The following C3orf70 variants were observed in gnomAD, a reference collection of about 807,000 sequenced individuals.
The protein encoded by C3orf70 is chromosome 3 open reading frame 70, also known as UPF0524 protein C3orf70.
In C3orf70, 15 loss-of-function variants were observed where a neutral mutation model predicts 20.7. That is an observed-to-expected ratio of 0.72 (90% confidence interval 0.48 to 1.11). C3orf70 has a LOEUF of 1.11. Among genes scored for constraint, C3orf70 ranks in the 50% most tolerant of loss-of-function variants. The pLI is 0.00. For synonymous variants in C3orf70, 161 were observed against 125.7 expected, an observed-to-expected ratio of 1.28 and a Z score of -1.88; for missense variants, 332 against 317.6, an observed-to-expected ratio of 1.05 and a Z score of -0.34.
intron 1 of C3orf70, among the ~76,000 whole-genome samples, chr3:185,147,866 C>T (rs1716908822): frequency 6.6e-6 from 1 of 152,208 alleles, no homozygotes; most frequent in Non-Finnish European, 1.5e-5. Flanking sequence ...ACCCTCTTCT[C>T]CATAATAATG....
At chr3:185,094,912 A>G (rs1305017377) in intron 1 of C3orf70, among the ~76,000 whole-genome samples, 3 of 152,214 alleles carry the variant, frequency 2.0e-5, no homozygotes, top group Non-Finnish European at 4.4e-5. Context: ...ACGGCTGCTG[A>G]CAGGGCACAC....
intron 1 of C3orf70, among the ~76,000 whole-genome samples, chr3:185,085,572 T>C (rs1715442273): frequency 6.6e-6 from 1 of 152,172 alleles, no homozygotes; most frequent in African/African-American, 2.4e-5. Flanking sequence ...CCCCGCAGTC[T>C]GATAAAAACG....
chr3:185,098,806 C>CCA (rs1458137523), intron 1 of C3orf70, among the ~76,000 whole-genome samples: 1 of 152,070 alleles, frequency 6.6e-6, no homozygotes, highest in African/African-American at 2.4e-5. Flanking sequence ...TGGGTGGGCC[C>CCA]CATCCAAACA....
At chr3:185,138,259 A>AAAC (rs907917846) in intron 1 of C3orf70, among the ~76,000 whole-genome samples, 2 of 152,112 alleles carry the variant, frequency 1.3e-5, no homozygotes, top group Non-Finnish European at 2.9e-5. Context: ...TTAAACTCAA[A>AAAC]AACAACAACA....
rs1715350442 is a variant in C3orf70 at position 185,082,065 on chromosome 3, C to G, written c.*942G>C. ...CCTAAATGTGATACCTATATAACTTCCTAAGAGTTTTTCCCAGACTTGAAG... is the reference window on the plus strand; with the variant it reads ...CCTAAATGTGATACCTATATAACTTGCTAAGAGTTTTTCCCAGACTTGAAG... On this transcript the variant is annotated 3_prime_UTR_variant, in exon 2 of 2. Coordinates refer to ENST00000335012, the MANE Select transcript of C3orf70 (RefSeq NM_001025266.3). 1 of 152,078 alleles carries G rather than the reference C, an allele frequency of 6.6e-6. No individual in the cohort carries two copies. Among genetic ancestry groups the G allele is most frequent in the South Asian group, 2.1e-4 (1 of 4,816 alleles). The allele number at this position is 152,078 out of a possible 1,614,324, so 9.4% of individuals were successfully genotyped here. A position where few individuals can be genotyped will look rare whatever the true frequency, so the allele number is the denominator to read the frequency against.
rs546143761 is a variant in C3orf70 at position 185,113,211 on chromosome 3, G to A, written c.197-29648C>T. On this transcript the variant is annotated intron_variant, in intron 1 of 1. Coordinates refer to ENST00000335012, the MANE Select transcript of C3orf70 (RefSeq NM_001025266.3). The stretch of plus-strand genomic sequence containing the variant: ...TGTAATCTCAGCACTTTGGGAGGCT[G>A]AGGCGGGCAGATCATGAGGTCAGGA... 2.3e-4 allele frequency among the ~76,000 whole-genome samples: 35 copies of A among 150,048 alleles called. 1 individual carries two copies. Among genetic ancestry groups the A allele is most frequent in the African/African-American group, 8.2e-4 (33 of 40,402 alleles).
At chr3:185,115,236 A>G (rs1280956407) in intron 1 of C3orf70, among the ~76,000 whole-genome samples, 1 of 151,206 alleles carries the variant, frequency 6.6e-6, no homozygotes, top group Non-Finnish European at 1.5e-5. Flanking sequence ...GGTCCCTTTT[A>G]TAATCTAAAA....
At position 185,079,104 on chromosome 3, in the gene C3orf70, AC is replaced by A. The variant is rs1715268204; in HGVS notation, c.*3902del. 6.6e-6 allele frequency: 1 copy of A among 151,882 alleles called. No individual in the cohort carries two copies. Among genetic ancestry groups the A allele is most frequent in the South Asian group, 2.1e-4 (1 of 4,804 alleles). 9.4% of individuals were successfully genotyped at this position (151,882 alleles called of 1,614,324 possible). On this transcript the variant is annotated 3_prime_UTR_variant, in exon 2 of 2. Coordinates refer to ENST00000335012, the MANE Select transcript of C3orf70 (RefSeq NM_001025266.3). The stretch of plus-strand genomic sequence containing the variant: ...AGACCATCCTGGCTAACACGGTGAA[AC>A]CCCGTTTCTACTAAAAATACAAAAA...
chr3:185,119,936 C>T (rs1812559), intron 1 of C3orf70, among the ~76,000 whole-genome samples: 21,428 of 147,548 alleles, frequency 0.15, 1,692 homozygotes, highest in East Asian at 0.23. Context: ...GCAGGAGGAT[C>T]GCTTGAATGT....
chr3:185,129,502 T>C (rs961996932), intron 1 of C3orf70, among the ~76,000 whole-genome samples: 1 of 152,116 alleles, frequency 6.6e-6, no homozygotes, highest in Admixed American at 6.5e-5. Context: ...GTTGATTCTA[T>C]GTCTTTGCTA....
chr3:185,102,383 C>G (rs1375419474), intron 1 of C3orf70, among the ~76,000 whole-genome samples: 2 of 152,092 alleles, frequency 1.3e-5, no homozygotes, highest in Non-Finnish European at 2.9e-5. Flanking sequence ...AGGAGAACTA[C>G]AAAATACTGC....
rs2108585603 is a variant in C3orf70 at position 185,083,339 on chromosome 3, C to T, written c.421G>A (p.Gly141Arg). 2 of 1,614,136 alleles carry T rather than the reference C, an allele frequency of 1.2e-6. No homozygotes were observed. Among genetic ancestry groups the T allele is most frequent in the East Asian group, 4.5e-5 (2 of 44,886 alleles). ...IDNYQVKCIN[G>R]KMCYVQKQPA... ...TGCTTCTGCACATAACACATCTTCC[C>T]ATTAATACATTTAACCTGATAGTTG... is the stretch of plus-strand genomic sequence containing the variant. The change falls in exon 2 of 2, where the codon GGG (glycine) becomes AGG (arginine). Residue 141 changes from glycine to arginine, a missense_variant. Physicochemically the swap from Gly to Arg is moderately radical, Grantham distance 125 (BLOSUM62 -2). Coordinates refer to ENST00000335012, the MANE Select transcript of C3orf70 (RefSeq NM_001025266.3).
chr3:185,128,430 AG>A (rs1255938270), intron 1 of C3orf70, among the ~76,000 whole-genome samples: 2 of 151,648 alleles, frequency 1.3e-5, no homozygotes, highest in African/African-American at 4.8e-5. Flanking sequence ...TGGGAGGCTG[AG>A]GCAGGAGAAT....
rs577186892 is a variant in C3orf70, at chr3:185,150,503, A to T, written c.196+2125T>A. Among the ~76,000 whole-genome samples the T allele has an allele frequency of 2.7e-5, 4 of 148,632 alleles. No individual in the cohort carries two copies. The South Asian group carries it at 8.6e-4, about 32-fold the overall frequency. Reference sequence around the variant, plus strand: ...ATCAGTACCTGTGTCCAAAAATATAAGTGTGAGATGGGCAAACAGTGGCTT... The same window carrying T: ...ATCAGTACCTGTGTCCAAAAATATATGTGTGAGATGGGCAAACAGTGGCTT... On this transcript the variant is annotated intron_variant, in intron 1 of 1. Coordinates refer to ENST00000335012, the MANE Select transcript of C3orf70 (RefSeq NM_001025266.3).
chr3:185,138,420 GAC>G (rs1716671058), intron 1 of C3orf70, among the ~76,000 whole-genome samples: 1 of 148,588 alleles, frequency 6.7e-6, no homozygotes, highest in Admixed American at 6.7e-5. Flanking sequence ...ACAATTACCA[GAC>G]ACCAAAACCA....
At chr3:185,120,324 C>T (rs1716271596) in intron 1 of C3orf70, among the ~76,000 whole-genome samples, 1 of 152,072 alleles carries the variant, frequency 6.6e-6, no homozygotes, top group African/African-American at 2.4e-5. Context: ...ACAAGACGGA[C>T]AAGATTCCTT....
At chr3:185,123,370 G>C (rs577376637) in intron 1 of C3orf70, among the ~76,000 whole-genome samples, 1 of 151,846 alleles carries the variant, frequency 6.6e-6, no homozygotes, top group Admixed American at 6.6e-5. Context: ...GACCCATCGT[G>C]GTTTTTGATA....
chr3:185,094,135 T>C (rs1715653244), intron 1 of C3orf70, among the ~76,000 whole-genome samples: 1 of 121,990 alleles, frequency 8.2e-6, no homozygotes, highest in Non-Finnish European at 1.6e-5. Flanking sequence ...TGGAGTACAA[T>C]GGCATGATCT....
At chr3:185,086,477 G>A (rs1044012624) in intron 1 of C3orf70, among the ~76,000 whole-genome samples, 5 of 152,202 alleles carry the variant, frequency 3.3e-5, no homozygotes, top group Non-Finnish European at 7.3e-5. Flanking sequence ...AGAAGAGGAA[G>A]AGACCAGATC....
Sources: allele counts gnomAD v4.1 joint callset (sites outside exome capture counted in the v4.1 genomes callset), GRCh38; gene constraint gnomAD v4.1.1; transcripts MANE v1.5; gene names NCBI Gene and HGNC (gene_info 2026-07-23, HGNC 2026-07-21).